DZANK1: variants seen among roughly 807,000 people sequenced by gnomAD.
DZANK1 encodes double zinc ribbon and ankyrin repeat domains 1.
Under a neutral mutation model 94.5 loss-of-function variants are expected in DZANK1, and 91 were observed. The observed-to-expected ratio is 0.96, with a 90% CI of 0.81 to 1.15. The LOEUF (loss-of-function observed/expected upper bound fraction) is 1.15. DZANK1 is among the 50% of genes most tolerant of loss of function. The pLI is 0.00. For missense variants in DZANK1, 903 were observed against 916.4 expected (o/e 0.99, Z 0.19); for synonymous variants, 312 against 325.3 (o/e 0.96, Z 0.44).
chr20:18,416,331 A>AG (rs1323895380), intron 10 of DZANK1, among the ~76,000 whole-genome samples: 10 of 152,176 alleles, frequency 6.6e-5, no homozygotes, highest in Non-Finnish European at 1.5e-4. Flanking sequence ...TGCTTAGCAC[A>AG]GGGCCAAGCT....
chr20:18,440,519 G>A (rs2058684687), intron 8 of DZANK1, among the ~76,000 whole-genome samples: 1 of 152,126 alleles, frequency 6.6e-6, no homozygotes, highest in Non-Finnish European at 1.5e-5. Flanking sequence ...CTTTGTGTGT[G>A]TAAGTTATTT....
At chr20:18,445,844 C>G (rs1296452742) in intron 7 of DZANK1, among the ~76,000 whole-genome samples, 1 of 152,168 alleles carries the variant, frequency 6.6e-6, no homozygotes, top group Non-Finnish European at 1.5e-5. Context: ...GCAGCCTCCA[C>G]CTCCTGGCTT....
chr20:18,448,846 G>A lies in DZANK1; in HGVS notation c.629+138C>T, dbSNP rs150228883. The stretch of plus-strand genomic sequence containing the variant: ...TGCACCACCGCACTCCAGCCAGGGT[G>A]ACAGAGTGAGACTCCGTCTCAAAAA... On this transcript the variant is annotated intron_variant, in intron 7 of 20. Transcript: ENST00000262547. The A allele has an allele frequency of 1.5e-5, 10 of 679,168 alleles. No individual in the cohort carries two copies. The Admixed American group carries it at 3.1e-4, about 21-fold the overall frequency. 42.1% of individuals were successfully genotyped at this position (679,168 alleles called of 1,614,324 possible). A position where few individuals can be genotyped will look rare whatever the true frequency, so the allele number is the denominator to read the frequency against.
chr20:18,387,618 G>T (rs1568863651), intron 19 of DZANK1, among the ~76,000 whole-genome samples: 1 of 152,194 alleles, frequency 6.6e-6, no homozygotes, highest in African/African-American at 2.4e-5. Context: ...GCATTTCTCT[G>T]GGCCTCTCAC....
chr20:18,461,768 T>C (rs1409082390), intron 2 of DZANK1, among the ~76,000 whole-genome samples: 1 of 151,982 alleles, frequency 6.6e-6, no homozygotes, highest in Non-Finnish European at 1.5e-5. Context: ...CCCAGCTAAT[T>C]TTTGTATTTT....
intron 14 of DZANK1, 125 bp from the exon 15 acceptor site, chr20:18,396,671 A>C: frequency 1.6e-6 from 1 of 614,962 alleles, no homozygotes; most frequent in Non-Finnish European, 2.7e-6. Context: ...AACACAGAAG[A>C]AAGTAGGAAA....
chr20:18,388,823 G>GA (rs2148147457), intron 19 of DZANK1, among the ~76,000 whole-genome samples: 1 of 152,272 alleles, frequency 6.6e-6, no homozygotes, highest in South Asian at 2.1e-4. Context: ...ATTATATTTT[G>GA]AACACTAACA....
intron 2 of DZANK1, among the ~76,000 whole-genome samples, chr20:18,460,921 C>T (rs1487233426): frequency 6.6e-6 from 1 of 152,170 alleles, no homozygotes; most frequent in Non-Finnish European, 1.5e-5. Flanking sequence ...CTATTTTACA[C>T]CCATCTTATA....
chr20:18,464,552 T>G (rs1395410117), intron 2 of DZANK1, among the ~76,000 whole-genome samples: 1 of 152,034 alleles, frequency 6.6e-6, no homozygotes, highest in East Asian at 1.9e-4. Context: ...CTAGAAGTTG[T>G]CAAGGCAGGG....
At chr20:18,424,653 G>C (rs116897076) in intron 10 of DZANK1, among the ~76,000 whole-genome samples, 1 of 151,826 alleles carries the variant, frequency 6.6e-6, no homozygotes, top group Non-Finnish European at 1.5e-5. Context: ...TTTCATATAG[G>C]GCAGTATCTT....
chr20:18,435,841 A>T (rs1378016843), intron 8 of DZANK1, among the ~76,000 whole-genome samples: 1 of 152,194 alleles, frequency 6.6e-6, no homozygotes, highest in East Asian at 1.9e-4. Flanking sequence ...AAGAAAAAAA[A>T]TTTAAAAAAA....
At chr20:18,465,360 T>TTCTC in exon 2 of DZANK1, 97 of 1,015,040 alleles carry the variant, frequency 9.6e-5, no homozygotes, top group Middle Eastern at 2.3e-4. Context: ...AGCAGTCATT[T>TTCTC]TCTCTCTCTC....
rs1244127679 is a variant in DZANK1 at position 18,390,402 on chromosome 20, CA to C, written c.1866del (p.Val623Ter). The C allele has an allele frequency of 6.2e-7, 1 of 1,614,002 alleles. No individual in the cohort carries two copies. The highest frequency in any genetic ancestry group is 2.2e-5 in the East Asian group (1 of 44,886). On this transcript the variant is annotated frameshift_variant, in exon 18 of 21. Coordinates refer to ENST00000262547, the Ensembl canonical transcript of DZANK1. LOFTEE classifies it high-confidence loss of function. The stretch of plus-strand genomic sequence containing the variant: ...ACCTCATCCAGCAGCTGTTCAATCA[CA>C]GAGACTCTTCCTTCCCCCGTGGGTC...
chr20:18,419,734 G>A (rs2057684102), intron 10 of DZANK1, among the ~76,000 whole-genome samples: 1 of 152,086 alleles, frequency 6.6e-6, no homozygotes, highest in African/African-American at 2.4e-5. Flanking sequence ...TCAGGTAAAA[G>A]AGAACCAAGA....
chr20:18,453,961 T>G (rs371083080), intron 4 of DZANK1, 134 bp from the exon 5 acceptor site: 13 of 770,142 alleles, frequency 1.7e-5, no homozygotes, highest in African/African-American at 1.2e-4. Flanking sequence ...AAGTGACCCC[T>G]GTTTCACTTT....
intron 3 of DZANK1, 80 bp from the exon 4 acceptor site, chr20:18,455,441 T>A: frequency 1.1e-6 from 1 of 887,412 alleles, no homozygotes; most frequent in Non-Finnish European, 1.8e-6. Flanking sequence ...ATGATTTTAT[T>A]AAAGTGCCTT....
At chr20:18,388,797 T>C (rs996522633) in intron 19 of DZANK1, among the ~76,000 whole-genome samples, 10 of 152,280 alleles carry the variant, frequency 6.6e-5, no homozygotes, top group African/African-American at 2.4e-4. Flanking sequence ...AAAATGCATA[T>C]AGAAAAATTA....
rs181611536 is a variant in DZANK1, at chr20:18,404,437, G to T, written c.1433-5811C>A. Among the ~76,000 whole-genome samples, 522 of 152,244 alleles carry T rather than the reference G, an allele frequency of 3.4e-3. 3 individuals are homozygous for T. The highest frequency in any genetic ancestry group is 5.1e-3 in the African/African-American group (210 of 41,550). ...ATGCCAAGGCTACACTCTCCATGGA[G>T]TCACATCAGAAGCTTCATACTGTGG... On this transcript the variant is annotated intron_variant, in intron 13 of 20. Transcript: ENST00000262547.
intron 13 of DZANK1, 65 bp from the exon 14 acceptor site, chr20:18,398,691 G>T: frequency 6.9e-7 from 1 of 1,449,004 alleles, no homozygotes; most frequent in Non-Finnish European, 9.7e-7. Context: ...AAAAATGATA[G>T]CATGGAACAT....
Sources: allele counts gnomAD v4.1 joint callset (sites outside exome capture counted in the v4.1 genomes callset), GRCh38; gene constraint gnomAD v4.1.1; transcripts MANE v1.5; gene names NCBI Gene and HGNC (gene_info 2026-07-23, HGNC 2026-07-21).